Variants in PALS1 observed in about 807,000 individuals in gnomAD.
PALS1 encodes protein associated with LIN7 1, MAGUK p55 family member.
Under a neutral mutation model 78.9 loss-of-function variants are expected in PALS1, and 31 were observed. That is an observed-to-expected ratio of 0.39 (90% confidence interval 0.30 to 0.53). PALS1 has a LOEUF of 0.53. PALS1 is among the 20% of genes least tolerant of loss of function. PALS1 has a pLI of 0.67. For missense variants in PALS1, 704 were observed against 826.5 expected (o/e 0.85, Z 1.82); for synonymous variants, 276 against 270.9 (o/e 1.02, Z -0.18).
In PALS1 at chr14:67,328,352, G is replaced by A. The variant is rs538748719; in HGVS notation, c.1852-4428G>A. Reference sequence around the variant, plus strand: ...TTGTTTGATTTTTTCTTGGAAATTTGTTTAAGTTCTTTGTAGATTCTGGAT... The same window carrying A: ...TTGTTTGATTTTTTCTTGGAAATTTATTTAAGTTCTTTGTAGATTCTGGAT... On this transcript the variant is annotated intron_variant, in intron 14 of 14. Transcript: ENST00000261681. 4.0e-4 allele frequency among the ~76,000 whole-genome samples: 61 copies of A among 152,260 alleles called. 1 individual carries two copies. Among genetic ancestry groups the A allele is most frequent in the African/African-American group, 1.5e-3 (61 of 41,544 alleles).
chr14:67,245,426 A>G (rs934220499), intron 1 of PALS1, among the ~76,000 whole-genome samples: 3 of 152,134 alleles, frequency 2.0e-5, no homozygotes, highest in African/African-American at 7.2e-5. Flanking sequence ...CTTATTTGCC[A>G]TCTGTTTATC....
rs557261521 is a variant in PALS1 at position 67,321,578 on chromosome 14, C to G, written c.1740+319C>G. 9.2e-4 allele frequency among the ~76,000 whole-genome samples: 140 copies of G among 152,242 alleles called. 1 individual carries two copies. Among genetic ancestry groups the G allele is most frequent in the Non-Finnish European group, 4.4e-4 (30 of 68,020 alleles). ...TATAATGAGCTATCTTGAGGATAGA[C>G]CCAAGTCTGAAATTAAATTCATTTA... On this transcript the variant is annotated intron_variant, in intron 13 of 14. Transcript: ENST00000261681.
chr14:67,322,338 ACT>A (rs752742193), intron 13 of PALS1, among the ~76,000 whole-genome samples: 1 of 152,044 alleles, frequency 6.6e-6, no homozygotes, highest in Non-Finnish European at 1.5e-5. Flanking sequence ...GCAGAGTGAG[ACT>A]CTGTCTGAAA....
At chr14:67,253,489 A>G (rs2084095450) in intron 1 of PALS1, among the ~76,000 whole-genome samples, 1 of 152,184 alleles carries the variant, frequency 6.6e-6, no homozygotes, top group Admixed American at 6.5e-5. Context: ...TGACTCAAGA[A>G]TTACTCTGGG....
chr14:67,295,080 T>C (rs1333532360), intron 4 of PALS1: 1 of 150,730 alleles, frequency 6.6e-6, no homozygotes, highest in Admixed American at 6.6e-5. Context: ...CGCTGAGAAA[T>C]GGTATTTGAT....
At chr14:67,284,547 TAAAAAAAAAAAAAAAAAAA>T (rs36207191) in intron 3 of PALS1, among the ~76,000 whole-genome samples, 152 of 23,302 alleles carry the variant, frequency 6.5e-3, no homozygotes, top group African/African-American at 0.014. Flanking sequence ...GCTGCAGTGC[TAAAAAAAAAAAAAAAAAAA>T]AAAAAAAAAA....
chr14:67,283,900 T>C (rs2084639198), intron 3 of PALS1, among the ~76,000 whole-genome samples: 1 of 152,244 alleles, frequency 6.6e-6, no homozygotes, highest in South Asian at 2.1e-4. Context: ...GAAGATTTGC[T>C]TCGTTGTCTT....
intron 3 of PALS1, among the ~76,000 whole-genome samples, chr14:67,291,030 T>C (rs2084763965): frequency 6.6e-6 from 1 of 152,176 alleles, no homozygotes; most frequent in Non-Finnish European, 1.5e-5. Context: ...AAGAAGTTTA[T>C]AAGCATAGAA....
rs1284535829 is a variant in PALS1, at chr14:67,326,120, C to T, written c.1851+2308C>T. Among the ~76,000 whole-genome samples the T allele has an allele frequency of 8.0e-5, 12 of 150,368 alleles. No individual in the cohort carries two copies. In the South Asian group the frequency reaches 1.1e-3, roughly 13 times the overall value. On this transcript the variant is annotated intron_variant, in intron 14 of 14. Coordinates refer to ENST00000261681, the MANE Select transcript of PALS1 (RefSeq NM_022474.4). ...GATTACAGGCGTGAGCCACCGTGCC[C>T]GGCCAGCATCTTTCTTTTGGTTGGT...
At chr14:67,254,393 T>G (rs1408324638) in intron 1 of PALS1, 2 of 152,154 alleles carry the variant, frequency 1.3e-5, no homozygotes, top group Non-Finnish European at 2.9e-5. Context: ...ATTTCTTGTT[T>G]ATAAGAATAT....
chr14:67,317,449 A>G lies in PALS1; in HGVS notation c.1339A>G (p.Lys447Glu). The change falls in exon 11 of 15, where the codon AAG becomes GAG. Residue 447 changes from lysine to glutamate, a missense_variant. Transcript: ENST00000261681. ...AAAGAAGAATAAAAAGAAGAGGAAA[A>G]AGGTTTTATATAATGCCAATAAAAA... ...CAKKNKKKRK[K>E]VLYNANKNDD... 1 of 1,611,790 alleles carries G rather than the reference A, an allele frequency of 6.2e-7. No individual in the cohort carries two copies. Among genetic ancestry groups the G allele is most frequent in the Non-Finnish European group, 8.5e-7 (1 of 1,178,442 alleles).
At chr14:67,252,763 A>T (rs1018086854) in intron 1 of PALS1, among the ~76,000 whole-genome samples, 18 of 152,180 alleles carry the variant, frequency 1.2e-4, no homozygotes, top group Non-Finnish European at 2.4e-4. Flanking sequence ...CTTGGTTTCA[A>T]TTTGTACTTT....
At chr14:67,301,331 A>C in intron 4 of PALS1, 58 bp from the exon 5 acceptor site, 1 of 1,058,702 alleles carries the variant, frequency 9.4e-7, no homozygotes, top group South Asian at 1.6e-5. Context: ...CCCTGCATAC[A>C]GGTGCTACTG....
intron 14 of PALS1, among the ~76,000 whole-genome samples, chr14:67,329,243 T>C (rs1271381657): frequency 6.6e-6 from 1 of 152,214 alleles, no homozygotes; most frequent in African/African-American, 2.4e-5. Context: ...GTAGCAATTG[T>C]GAATGGGAGT....
At chr14:67,282,347 A>G (rs1186104528) in intron 3 of PALS1, among the ~76,000 whole-genome samples, 1 of 152,138 alleles carries the variant, frequency 6.6e-6, no homozygotes, top group Non-Finnish European at 1.5e-5. Context: ...TAGAAACAGC[A>G]ACCTTATTTT....
Position 67,333,155 on chromosome 14 carries a change from A to G in PALS1, c.*199A>G, listed in dbSNP as rs1278974478. On this transcript the variant is annotated 3_prime_UTR_variant, in exon 15 of 15. Transcript: ENST00000261681. ...GCATGGCATCCTTTATTCTCTATAC[A>G]TGGCTTTAGCGGTTCTTGCCTCATT... is the stretch of plus-strand genomic sequence containing the variant. 3 of 456,826 alleles carry G rather than the reference A, an allele frequency of 6.6e-6. No individual in the cohort carries two copies. The highest frequency in any genetic ancestry group is 1.2e-5 in the Non-Finnish European group (3 of 258,350). The allele number at this position is 456,826 out of a possible 1,614,324, so 28.3% of individuals were successfully genotyped here.
intron 4 of PALS1, among the ~76,000 whole-genome samples, chr14:67,299,450 A>G (rs2084902176): frequency 6.6e-6 from 1 of 152,198 alleles, no homozygotes; most frequent in African/African-American, 2.4e-5. Flanking sequence ...AACATACATC[A>G]TTTTTATAAT....
chr14:67,291,433 C>T (rs911654962), intron 3 of PALS1, among the ~76,000 whole-genome samples: 22 of 151,932 alleles, frequency 1.4e-4, no homozygotes, highest in African/African-American at 4.6e-4. Context: ...TACAGGTGCC[C>T]GCCACTGTTC....
chr14:67,279,298 T>G lies in PALS1; in HGVS notation c.128T>G (p.Leu43Trp), dbSNP rs1168271674. 1 of 1,613,528 alleles carries G rather than the reference T, an allele frequency of 6.2e-7. No individual in the cohort carries two copies. The highest frequency in any genetic ancestry group is 8.5e-7 in the Non-Finnish European group (1 of 1,179,928). The change falls in exon 3 of 15, where the codon TTG becomes TGG. Residue 43 changes from leucine to tryptophan, a missense_variant. Leu to Trp is a moderately conservative substitution (Grantham distance 61, BLOSUM62 -2). Transcript: ENST00000261681. ...ATGGCTGTTGACTGCCCTGGAGATT[T>G]GGGCACCAGGATGATGCCAATACGT... ...REMAVDCPGDLGTRMMPIRRS... is the reference protein window; with the variant it reads ...REMAVDCPGDWGTRMMPIRRS...
Sources: gnomAD v4.1 joint callset for allele counts (sites outside exome capture counted in the v4.1 genomes callset) on GRCh38, gnomAD v4.1.1 for gene constraint, MANE v1.5 for transcripts, NCBI Gene and HGNC (gene_info 2026-07-23, HGNC 2026-07-21) for gene names.